Variants in TVP23C observed in about 807,000 individuals in gnomAD.
TVP23C encodes Golgi apparatus membrane protein TVP23 homolog C.
A neutral mutation model predicts 28.7 loss-of-function variants in TVP23C; 19 were observed. The observed-to-expected ratio is 0.66, with a 90% CI of 0.46 to 0.97. TVP23C has a LOEUF of 0.97. Among genes scored for constraint, TVP23C ranks in the 50% least tolerant of loss-of-function variants. The pLI, the probability that TVP23C is intolerant of heterozygous loss-of-function variation, is 0.00. For synonymous variants in TVP23C, 68 were observed against 81.7 expected, an observed-to-expected ratio of 0.83 and a Z score of 0.90; for missense variants, 186 against 241.3, an observed-to-expected ratio of 0.77 and a Z score of 1.52.
intron 5 of TVP23C, chr17:15,507,351 AT>A: frequency 2.7e-6 from 2 of 737,434 alleles, no homozygotes; most frequent in Non-Finnish European, 4.9e-6. Flanking sequence ...GACAACTCTA[AT>A]AAGTTTCACT....
intron 5 of TVP23C, among the ~76,000 whole-genome samples, chr17:15,513,783 CCTAA>C (rs1399577158): frequency 1.3e-5 from 2 of 152,076 alleles, no homozygotes; most frequent in African/African-American, 4.8e-5. Flanking sequence ...TACCTGAGTC[CCTAA>C]CTATCACCAC....
At chr17:15,531,194 T>A (rs1186119167) in intron 5 of TVP23C, 1 of 152,268 alleles carries the variant, frequency 6.6e-6, no homozygotes, top group Admixed American at 6.5e-5. Context: ...GGATCCCTTG[T>A]ATGTGATAAG....
chr17:15,538,462 C>T lies in TVP23C; in HGVS notation c.*1950G>A, dbSNP rs1486067407. On this transcript the variant is annotated 3_prime_UTR_variant, in exon 6 of 6. Coordinates refer to ENST00000518321, the MANE Select transcript of TVP23C (RefSeq NM_001135036.2). ...AAAATTAGCCAGGCGTGGTGGCGGG[C>T]GCCTGCAATCCCAGCTACTCGGGAG... is the stretch of plus-strand genomic sequence containing the variant. 10 of 671,904 alleles carry T rather than the reference C, an allele frequency of 1.5e-5. No individual in the cohort carries two copies. Among genetic ancestry groups the T allele is most frequent in the East Asian group, 2.7e-4 (2 of 7,372 alleles). 41.6% of individuals were successfully genotyped at this position (671,904 alleles called of 1,614,324 possible).
intron 5 of TVP23C, among the ~76,000 whole-genome samples, chr17:15,511,048 C>T (rs569542180): frequency 2.2e-5 from 2 of 89,338 alleles, no homozygotes; most frequent in African/African-American, 1.0e-4. Context: ...GGCCAGACTT[C>T]GTCTCAAAAA....
At chr17:15,549,105 G>A (rs1033498377) in intron 3 of TVP23C, among the ~76,000 whole-genome samples, 1 of 152,100 alleles carries the variant, frequency 6.6e-6, no homozygotes, top group Non-Finnish European at 1.5e-5. Flanking sequence ...GAAATCTTAT[G>A]TATTTTATAT....
Position 15,502,670 on chromosome 17 carries a change from T to C in TVP23C, c.*194A>G, listed in dbSNP as rs1597496291. 5.1e-6 allele frequency: 5 copies of C among 983,750 alleles called. No individual in the cohort carries two copies. The East Asian group carries it at 1.5e-4, about 29-fold the overall frequency. The allele number at this position is 983,750 out of a possible 1,614,324, so 60.9% of individuals were successfully genotyped here. A position where few individuals can be genotyped will look rare whatever the true frequency, so the allele number is the denominator to read the frequency against. ...CACGCTGCTGCCTCTCTTCTGCCCT[T>C]TTCCCCTTAGTTTTACAAGTTCCCT... On this transcript the variant is annotated 3_prime_UTR_variant, in exon 6 of 6. Coordinates refer to the TVP23C transcript ENST00000225576.
Position 15,506,100 on chromosome 17 carries a change from C to T in TVP23C, c.463-2868G>A, listed in dbSNP as rs552177167. Among the ~76,000 whole-genome samples, 33 of 152,392 alleles carry T rather than the reference C, an allele frequency of 2.2e-4. No individual in the cohort carries two copies. The East Asian group carries it at 3.9e-3, about 18-fold the overall frequency. On this transcript the variant is annotated intron_variant, in intron 5 of 5. Transcript: ENST00000225576. The stretch of plus-strand genomic sequence containing the variant: ...CGCACGGCGCAGGACTGGCAGGCAG[C>T]TCCACCTGCAGCCCCGGTGCGGGAT...
Position 15,539,188 on chromosome 17 carries a change from G to A in TVP23C, c.*1224C>T, listed in dbSNP as rs113133230. ...TCTACTGAATAAGGAGTCTGGAGGTGGAACCCAGCAATCTTGTGCCCTCTA... is the reference window on the plus strand; with the variant it reads ...TCTACTGAATAAGGAGTCTGGAGGTAGAACCCAGCAATCTTGTGCCCTCTA... On this transcript the variant is annotated 3_prime_UTR_variant, in exon 6 of 6. Coordinates refer to ENST00000518321, the MANE Select transcript of TVP23C (RefSeq NM_001135036.2). The A allele has an allele frequency of 5.3e-4, 513 of 961,104 alleles. 2 individuals carry two copies. In the African/African-American group the frequency reaches 8.6e-3, roughly 16 times the overall value. 59.5% of individuals were successfully genotyped at this position (961,104 alleles called of 1,614,324 possible). A position where few individuals can be genotyped will look rare whatever the true frequency, so the allele number is the denominator to read the frequency against.
At position 15,538,864 on chromosome 17, in the gene TVP23C, T is replaced by C; in HGVS notation, c.*1548A>G. 1.0e-6 allele frequency: 1 copy of C among 985,878 alleles called. No individual in the cohort carries two copies. The allele number at this position is 985,878 out of a possible 1,614,324, so 61.1% of individuals were successfully genotyped here. ...TAAGGTGGACCACAGTAAAGGTATA[T>C]TGGAGCCATGCAAAAATCCTTCAGA... On this transcript the variant is annotated 3_prime_UTR_variant, in exon 6 of 6. Coordinates refer to ENST00000518321, the MANE Select transcript of TVP23C (RefSeq NM_001135036.2).
intron 3 of TVP23C, among the ~76,000 whole-genome samples, chr17:15,552,695 G>C (rs1457177630): frequency 6.6e-6 from 1 of 151,798 alleles, no homozygotes; most frequent in African/African-American, 2.4e-5. Flanking sequence ...AAAAAAAAAA[G>C]AATTAAAAGA....
In TVP23C at chr17:15,544,017, C is replaced by A. The variant is rs1448246850; in HGVS notation, c.462+1768G>T. ...TCTGCCTGTCAGAAAGGCACAGACT[C>A]CAGAAAACTTGATATGGAAAGATAA... On this transcript the variant is annotated intron_variant, in intron 5 of 5. Transcript: ENST00000518321. 2.0e-5 allele frequency among the ~76,000 whole-genome samples: 3 copies of A among 152,012 alleles called. No homozygotes were observed. In the East Asian group the frequency reaches 5.8e-4, roughly 29 times the overall value.
chr17:15,502,956 G>T (rs772295158), exon 6 of TVP23C: 1 of 1,614,038 alleles, frequency 6.2e-7, no homozygotes, highest in Non-Finnish European at 8.5e-7. Context: ...CAGGCCCAAA[G>T]CCGCAAGGAG....
chr17:15,534,704 C>T (rs1312680013), downstream of TVP23C, among the ~76,000 whole-genome samples: 1 of 151,494 alleles, frequency 6.6e-6, no homozygotes, highest in Non-Finnish European at 1.5e-5. Context: ...CGTGGTGGCT[C>T]ACACCTGTAA....
chr17:15,520,829 G>GA (rs1204748464), intron 5 of TVP23C, among the ~76,000 whole-genome samples: 4 of 151,290 alleles, frequency 2.6e-5, no homozygotes, highest in East Asian at 3.9e-4. Flanking sequence ...GGAAATGAAG[G>GA]AAAAAAAATC....
At chr17:15,533,999 C>T (rs1352145176), downstream of TVP23C, among the ~76,000 whole-genome samples, 2 of 152,176 alleles carry the variant, frequency 1.3e-5, no homozygotes, top group Non-Finnish European at 2.9e-5. Context: ...TTTTGTCTTC[C>T]TCCACCACAC....
chr17:15,548,821 C>T (rs1040437585), intron 3 of TVP23C, among the ~76,000 whole-genome samples: 2 of 152,166 alleles, frequency 1.3e-5, no homozygotes, highest in Non-Finnish European at 2.9e-5. Context: ...CCTATAAGTA[C>T]ATACCTATGA....
chr17:15,535,520 C>G (rs1256224113), downstream of TVP23C, among the ~76,000 whole-genome samples: 1 of 151,508 alleles, frequency 6.6e-6, no homozygotes, highest in African/African-American at 2.4e-5. Context: ...GGCTCCTTCC[C>G]CAGCCATCAC....
At chr17:15,511,189 C>G (rs73978049) in intron 5 of TVP23C, among the ~76,000 whole-genome samples, 4,811 of 151,872 alleles carry the variant, frequency 0.032, 266 homozygotes, top group African/African-American at 0.11. Context: ...ACCCGGTCTA[C>G]AGTAGAGAGG....
At chr17:15,549,764 G>C (rs1177722970) in intron 3 of TVP23C, among the ~76,000 whole-genome samples, 1 of 152,090 alleles carries the variant, frequency 6.6e-6, no homozygotes, top group Admixed American at 6.6e-5. Context: ...TAAGTTGTGA[G>C]GACAAACCTG....
Sources: allele counts gnomAD v4.1 joint callset (sites outside exome capture counted in the v4.1 genomes callset), GRCh38; gene constraint gnomAD v4.1.1; transcripts MANE v1.5; gene names NCBI Gene and HGNC (gene_info 2026-07-23, HGNC 2026-07-21).